Variants in PKHD1 observed in about 807,000 individuals in gnomAD.
PKHD1 encodes fibrocystin.
Under a neutral mutation model 412.0 loss-of-function variants are expected in PKHD1, and 291 were observed. The ratio of observed to expected loss-of-function variants is 0.71; its 90% CI spans 0.64 to 0.78. PKHD1 has a LOEUF of 0.78. Ranked by LOEUF, PKHD1 falls within the 30% of genes least tolerant of loss-of-function variation. The pLI, the probability that PKHD1 is intolerant of heterozygous loss-of-function variation, is 0.00. For synonymous variants in PKHD1, 1,777 were observed against 1,821.5 expected, an observed-to-expected ratio of 0.98 and a Z score of 0.62; for missense variants, 4,825 against 4,950.7, an observed-to-expected ratio of 0.97 and a Z score of 0.76.
At chr6:51,749,431 C>T (rs1304105646) in intron 57 of PKHD1, among the ~76,000 whole-genome samples, 3 of 151,992 alleles carry the variant, frequency 2.0e-5, no homozygotes, top group Non-Finnish European at 4.4e-5. Flanking sequence ...ATAAAATACA[C>T]CCAGTAAGTT....
At chr6:51,903,809 A>C in intron 42 of PKHD1, 82 bp from the exon 43 acceptor site, 2 of 925,740 alleles carry the variant, frequency 2.2e-6, no homozygotes, top group Non-Finnish European at 3.5e-6. Flanking sequence ...ACTAATACAC[A>C]TCAGAGTTCA....
chr6:51,840,896 A>G (rs1258388683), intron 50 of PKHD1, among the ~76,000 whole-genome samples: 1 of 152,230 alleles, frequency 6.6e-6, no homozygotes, highest in Non-Finnish European at 1.5e-5. Context: ...GTTTCATTTT[A>G]GTATCTATAC....
chr6:51,775,770 G>T, intron 54 of PKHD1, 38 bp downstream of exon 54: 1 of 932,582 alleles, frequency 1.1e-6, no homozygotes, highest in Non-Finnish European at 1.8e-6. Flanking sequence ...ACACACACAT[G>T]CATTTTATTT....
At position 51,738,226 on chromosome 6, in the gene PKHD1, A is replaced by T. The variant is rs139686986; in HGVS notation, c.10156+6159T>A. 2.8e-3 allele frequency among the ~76,000 whole-genome samples: 426 copies of T among 152,288 alleles called. 4 individuals carry two copies. The highest frequency in any genetic ancestry group is 1.0e-2 in the African/African-American group (414 of 41,554). On this transcript the variant is annotated intron_variant, in intron 60 of 66. Coordinates refer to ENST00000371117, the MANE Select transcript of PKHD1 (RefSeq NM_138694.4). ...CCAGACAGCTAGCGCACTCCAACAC[A>T]GCTAGCACAATCTTTTCAGGGAGCA...
chr6:52,035,841 C>T (rs2128169428), intron 27 of PKHD1, 120 bp from the exon 28 acceptor site: 1 of 1,010,324 alleles, frequency 9.9e-7, no homozygotes, highest in East Asian at 2.4e-5. Flanking sequence ...AAAACAAAGG[C>T]AATGCTCAAA....
At chr6:51,801,328 T>C (rs183190548) in intron 52 of PKHD1, among the ~76,000 whole-genome samples, 1 of 152,138 alleles carries the variant, frequency 6.6e-6, no homozygotes. Flanking sequence ...GTAGACTAAT[T>C]TACTGAGATG....
intron 37 of PKHD1, among the ~76,000 whole-genome samples, chr6:51,933,036 CATT>C (rs1282672263): frequency 6.6e-6 from 1 of 152,174 alleles, no homozygotes; most frequent in Non-Finnish European, 1.5e-5. Context: ...GTGTAACTGA[CATT>C]ATGATTTCTG....
chr6:51,890,706 G>A lies in PKHD1; in HGVS notation c.6997-3461C>T, dbSNP rs541477834. On this transcript the variant is annotated intron_variant, in intron 43 of 66. Transcript: ENST00000371117. ...ATCCTTCTCATTCTCACCACATGGGGAAAAAAGCATGCACAGCTTAGCGTG... is the reference window on the plus strand; with the variant it reads ...ATCCTTCTCATTCTCACCACATGGGAAAAAAAGCATGCACAGCTTAGCGTG... Among the ~76,000 whole-genome samples, 146 of 152,274 alleles carry A rather than the reference G, an allele frequency of 9.6e-4. 1 individual carries two copies. Among genetic ancestry groups the A allele is most frequent in the African/African-American group, 3.3e-3 (138 of 41,556 alleles).
At chr6:51,650,837 T>C (rs939303936) in intron 61 of PKHD1, among the ~76,000 whole-genome samples, 5 of 152,166 alleles carry the variant, frequency 3.3e-5, no homozygotes, top group Non-Finnish European at 7.4e-5. Context: ...CTTAGTTTGT[T>C]TAGCCTGAGT....
chr6:51,761,697 G>C (rs9382008), intron 55 of PKHD1, among the ~76,000 whole-genome samples: 90,036 of 151,798 alleles, frequency 0.59, 27,163 homozygotes, highest in East Asian at 0.89. Context: ...ATGTTGTACA[G>C]CATAAATACA....
chr6:52,002,843 T>G (rs928714050), intron 35 of PKHD1, among the ~76,000 whole-genome samples: 1 of 152,162 alleles, frequency 6.6e-6, no homozygotes, highest in East Asian at 1.9e-4. Flanking sequence ...AATATTAAAT[T>G]TGTCACATAG....
chr6:51,833,186 C>G (rs9463729), intron 51 of PKHD1, among the ~76,000 whole-genome samples: 1 of 151,832 alleles, frequency 6.6e-6, no homozygotes, highest in African/African-American at 2.4e-5. Context: ...TAAAACCTCA[C>G]GCCAAGCTTC....
chr6:51,629,971 T>C, intron 65 of PKHD1, among the ~76,000 whole-genome samples: 1 of 152,190 alleles, frequency 6.6e-6, no homozygotes, highest in Admixed American at 6.6e-5. Context: ...AGGTTTCTAA[T>C]TCTTAATGAT....
intron 35 of PKHD1, among the ~76,000 whole-genome samples, chr6:52,004,226 G>A (rs116079244): frequency 0.011 from 1,625 of 151,582 alleles, 25 homozygotes; most frequent in African/African-American, 0.037. Context: ...AGCTTTGATT[G>A]TTTTGTCTAC....
At chr6:51,910,824 T>C (rs1490550291) in intron 39 of PKHD1, among the ~76,000 whole-genome samples, 1 of 152,100 alleles carries the variant, frequency 6.6e-6, no homozygotes, top group African/African-American at 2.4e-5. Flanking sequence ...AGATGATTTG[T>C]AGGGAGGGAG....
intron 50 of PKHD1, among the ~76,000 whole-genome samples, chr6:51,839,959 G>C (rs755279872): frequency 6.6e-6 from 1 of 151,818 alleles, no homozygotes; most frequent in Non-Finnish European, 1.5e-5. Flanking sequence ...TTCCGTCTCT[G>C]CCTGCCCTGG....
At chr6:51,813,422 C>T (rs895036009) in intron 52 of PKHD1, among the ~76,000 whole-genome samples, 1 of 152,110 alleles carries the variant, frequency 6.6e-6, no homozygotes, top group Non-Finnish European at 1.5e-5. Flanking sequence ...AATAACTGTT[C>T]CTGTGTTTAA....
At chr6:51,722,562 C>T (rs539479739) in intron 60 of PKHD1, among the ~76,000 whole-genome samples, 43 of 152,122 alleles carry the variant, frequency 2.8e-4, no homozygotes, top group African/African-American at 9.6e-4. Context: ...AGACCTGATC[C>T]GTAAAGCATA....
At chr6:51,919,211 C>T (rs191444017) in intron 37 of PKHD1, among the ~76,000 whole-genome samples, 55 of 152,196 alleles carry the variant, frequency 3.6e-4, no homozygotes, top group Middle Eastern at 6.8e-3. Flanking sequence ...CCCATGCCTA[C>T]GTCCTGAATG....
Sources: allele counts gnomAD v4.1 joint callset (sites outside exome capture counted in the v4.1 genomes callset), GRCh38; gene constraint gnomAD v4.1.1; transcripts MANE v1.5; gene names NCBI Gene and HGNC (gene_info 2026-07-23, HGNC 2026-07-21).